The following TIMELESS variants were observed in gnomAD, a reference collection of about 807,000 sequenced individuals.
TIMELESS encodes the protein timeless circadian regulator.
In TIMELESS, 124 loss-of-function variants were observed where a neutral mutation model predicts 164.3. The ratio of observed to expected loss-of-function variants is 0.75; its 90% CI spans 0.65 to 0.88. TIMELESS has a LOEUF of 0.88. TIMELESS is among the 40% of genes least tolerant of loss of function. The pLI, the probability that TIMELESS is intolerant of heterozygous loss-of-function variation, is 0.00. For synonymous variants in TIMELESS, 564 were observed against 563.4 expected, an observed-to-expected ratio of 1.00 and a Z score of -0.02; for missense variants, 1,422 against 1,491.4, an observed-to-expected ratio of 0.95 and a Z score of 0.77.
In TIMELESS at chr12:56,423,597, C is replaced by G; in HGVS notation, c.2077G>C (p.Asp693His). 1 of 1,614,162 alleles carries G rather than the reference C, an allele frequency of 6.2e-7. No homozygotes were observed. Among genetic ancestry groups the G allele is most frequent in the Non-Finnish European group, 8.5e-7 (1 of 1,180,026 alleles). Reference sequence around the variant, plus strand: ...CTCAGCCCGCACCGTTTCAGGTAGTCCAGAAAATTAAATTCTTTCTCCGAC... The same window carrying G: ...CTCAGCCCGCACCGTTTCAGGTAGTGCAGAAAATTAAATTCTTTCTCCGAC... ...QVSEKEFNFLDYLKRFACSTV... is the reference protein window; with the variant it reads ...QVSEKEFNFLHYLKRFACSTV... Residue 693 changes from aspartate (D) to histidine (H), a missense_variant, in exon 17 of 29, where the codon GAC becomes CAC. Coordinates refer to ENST00000553532, the MANE Select transcript of TIMELESS (RefSeq NM_003920.5).
chr12:56,423,987 T>G, intron 15 of TIMELESS, 93 bp from the exon 16 acceptor site: 1 of 1,161,368 alleles, frequency 8.6e-7, no homozygotes, highest in South Asian at 1.4e-5. Flanking sequence ...ACTTATTTCT[T>G]TTGTTGGCCA....
At chr12:56,436,933 T>TTA (rs963701659) in intron 1 of TIMELESS, among the ~76,000 whole-genome samples, 10 of 151,674 alleles carry the variant, frequency 6.6e-5, no homozygotes, top group Non-Finnish European at 1.3e-4. Context: ...GCATGCAATT[T>TTA]TTTTTTTTTT....
In TIMELESS at chr12:56,435,958, T is replaced by TAA. The variant is rs58281917; in HGVS notation, c.-61-1729_-61-1728dup. ...TGGGCGACAGAGCGAGACTCCGTCT[T>TAA]AAAAAAAAAAAAAAAAAAGAAACAG... On this transcript the variant is annotated intron_variant, in intron 1 of 28. Transcript: ENST00000553532. Among the ~76,000 whole-genome samples the TAA allele has an allele frequency of 6.1e-4, 84 of 138,160 alleles. 1 individual carries two copies. The highest frequency in any genetic ancestry group is 7.5e-3 in the Middle Eastern group (2 of 268). The allele number at this position is 138,160 out of a possible 152,430, so 90.6% of individuals were successfully genotyped here.
chr12:56,445,867 A>T (rs1868343837), intron 1 of TIMELESS, among the ~76,000 whole-genome samples: 1 of 152,096 alleles, frequency 6.6e-6, no homozygotes, highest in African/African-American at 2.4e-5. Context: ...GCTCTTGCTT[A>T]GGTTACTCAA....
rs1881984116 is a variant in TIMELESS at position 56,433,923 on chromosome 12, C to T, written c.101G>A (p.Ser34Asn). ...CAAATAGCGGATCAGATCCTTCACG[C>T]TCTCTTCAGAGACAGAACAAAACAT... is the stretch of plus-strand genomic sequence containing the variant. ...TYHKEPDCLESVKDLIRYLRH... is the reference protein window; with the variant it reads ...TYHKEPDCLENVKDLIRYLRH... Residue 34 changes from serine to asparagine, a missense_variant, in exon 3 of 29, where the codon AGC becomes AAC. Physicochemically the swap from Ser to Asn is conservative, Grantham distance 46. Transcript: ENST00000553532. 5.6e-6 allele frequency: 9 copies of T among 1,614,176 alleles called. No homozygotes were observed. The highest frequency in any genetic ancestry group is 7.6e-6 in the Non-Finnish European group (9 of 1,180,026).
rs1367607826 is a variant in TIMELESS at position 56,417,004 on chromosome 12, T to C, written c.*712A>G. ...CTCCCAAAGTGCTAGGACAACAGGTTTGAGCCACTGTGCCGGTCTGTTGGT... is the reference window on the plus strand; with the variant it reads ...CTCCCAAAGTGCTAGGACAACAGGTCTGAGCCACTGTGCCGGTCTGTTGGT... On this transcript the variant is annotated 3_prime_UTR_variant, in exon 29 of 29. Transcript: ENST00000553532. 1 of 152,366 alleles carries C rather than the reference T, an allele frequency of 6.6e-6. No individual in the cohort carries two copies. Among genetic ancestry groups the C allele is most frequent in the African/African-American group, 2.4e-5 (1 of 41,434 alleles). The allele number at this position is 152,366 out of a possible 1,614,324, so 9.4% of individuals were successfully genotyped here. A position where few individuals can be genotyped will look rare whatever the true frequency, so the allele number is the denominator to read the frequency against.
chr12:56,421,369 C>T lies in TIMELESS; in HGVS notation c.2850G>A (p.Lys950=), dbSNP rs549110098. The change falls in exon 23 of 29, where the codon AAG becomes AAA. Residue 950 remains lysine (K), a synonymous_variant. Coordinates refer to ENST00000553532, the MANE Select transcript of TIMELESS (RefSeq NM_003920.5). The stretch of plus-strand genomic sequence containing the variant: ...TTGTTACCAAGATGGAGGATGCCAA[C>T]TTTTTCTGCCGTTTCTTGTACAGCT... The part of the protein sequence containing the change: ...RRELYKKRQK[K]LASSILPNGA... The T allele has an allele frequency of 1.5e-5, 25 of 1,613,846 alleles. No individual in the cohort carries two copies. The East Asian group carries it at 5.3e-4, about 35-fold the overall frequency.
In TIMELESS at chr12:56,418,365, G is replaced by C; in HGVS notation, c.3229-6C>G. On this transcript the variant is annotated splice_polypyrimidine_tract_variant and splice_region_variant and intron_variant, in intron 26 of 28. Coordinates refer to ENST00000553532, the MANE Select transcript of TIMELESS (RefSeq NM_003920.5). ...GGAATTCGCCAGAAGGTTTCCTACA[G>C]GGGCCAAAAAGTTGAAAAGGGAAAG... The C allele has an allele frequency of 6.3e-7, 1 of 1,596,024 alleles. No individual in the cohort carries two copies. The highest frequency in any genetic ancestry group is 8.5e-7 in the Non-Finnish European group (1 of 1,172,594).
intron 19 of TIMELESS, 40 bp downstream of exon 19, chr12:56,422,807 T>TGCCCAAA: frequency 6.9e-7 from 1 of 1,447,342 alleles, no homozygotes; most frequent in East Asian, 2.4e-5. Flanking sequence ...GCATCAAACT[T>TGCCCAAA]CCCCTACCCC....
At chr12:56,425,201 T>G in intron 13 of TIMELESS, 49 bp from the exon 14 acceptor site, 1 of 1,555,146 alleles carries the variant, frequency 6.4e-7, no homozygotes, top group Non-Finnish European at 8.6e-7. Context: ...AAAGAGGGCT[T>G]TCCCCATCAG....
chr12:56,431,947 C>T (rs560419030), intron 7 of TIMELESS, among the ~76,000 whole-genome samples: 23 of 151,652 alleles, frequency 1.5e-4, no homozygotes, highest in East Asian at 1.2e-3. Flanking sequence ...TATATATATA[C>T]GCACATACAC....
intron 20 of TIMELESS, 40 bp from the exon 21 acceptor site, chr12:56,422,056 C>T: frequency 6.2e-7 from 1 of 1,613,888 alleles, no homozygotes; most frequent in Non-Finnish European, 8.5e-7. Flanking sequence ...GAAGGTCCCA[C>T]AGCTCAAGCT....
chr12:56,420,046 A>ATGTGTG (rs1349817695), intron 26 of TIMELESS, among the ~76,000 whole-genome samples: 41 of 88,090 alleles, frequency 4.7e-4, no homozygotes, highest in African/African-American at 2.0e-3. Context: ...ATATATATAT[A>ATGTGTG]TATGTGTGTG....
chr12:56,423,109 C>A, intron 18 of TIMELESS, 117 bp from the exon 19 acceptor site: 1 of 1,426,762 alleles, frequency 7.0e-7, no homozygotes. Context: ...TCACTCTCTT[C>A]TGTCCTTCTC....
Position 56,428,253 on chromosome 12 carries a change from C to T in TIMELESS, c.1561G>A (p.Gly521Arg). The change falls in exon 13 of 29, where the codon GGG becomes AGG. Residue 521 changes from glycine to arginine, a missense_variant. Transcript: ENST00000553532. ...CCCAGTACCTGCACCACCAGGTTCC[C>T]ACGGCTCCGACAGAATCGCTCCAAC... Reference protein sequence around the residue: ...KMLERFCRSRGNLVVQNKQKK... With the variant: ...KMLERFCRSRRNLVVQNKQKK... 1 of 1,604,192 alleles carries T rather than the reference C, an allele frequency of 6.2e-7. No homozygotes were observed. The highest frequency in any genetic ancestry group is 8.5e-7 in the Non-Finnish European group (1 of 1,173,258).
intron 7 of TIMELESS, 127 bp downstream of exon 7, chr12:56,432,242 G>A (rs1252005510): frequency 8.7e-6 from 10 of 1,144,918 alleles, no homozygotes; most frequent in Non-Finnish European, 1.2e-5. Context: ...CTGAACTCAA[G>A]ACATGGCTAC....
At chr12:56,425,219 TCTATTACAAAA>T in intron 13 of TIMELESS, 67 bp from the exon 14 acceptor site, 1 of 1,507,064 alleles carries the variant, frequency 6.6e-7, no homozygotes. Context: ...CAGTGTCTTT[TCTATTACAAAA>T]CTAATTAACT....
At chr12:56,430,572 G>T (rs1881842553) in intron 9 of TIMELESS, among the ~76,000 whole-genome samples, 1 of 152,036 alleles carries the variant, frequency 6.6e-6, no homozygotes, top group Non-Finnish European at 1.5e-5. Flanking sequence ...TTGCCATGTT[G>T]CCCAGGCTGG....
chr12:56,431,045 TG>T, intron 8 of TIMELESS, 77 bp from the exon 9 acceptor site: 2 of 1,046,638 alleles, frequency 1.9e-6, no homozygotes, highest in Non-Finnish European at 2.8e-6. Context: ...ATCGGCACAT[TG>T]GAGCAAGTTA....
Sources: gnomAD v4.1 joint callset for allele counts (sites outside exome capture counted in the v4.1 genomes callset) on GRCh38, gnomAD v4.1.1 for gene constraint, MANE v1.5 for transcripts, NCBI Gene and HGNC (gene_info 2026-07-23, HGNC 2026-07-21) for gene names.